The following MTMR2 variants were observed in gnomAD, a reference collection of about 807,000 sequenced individuals.
MTMR2 encodes the protein myotubularin related protein 2.
MTMR2 carries 55 observed loss-of-function variants against 86.9 expected under a neutral mutation model. The observed-to-expected ratio is 0.63, with a 90% CI of 0.51 to 0.79. The LOEUF (loss-of-function observed/expected upper bound fraction) is 0.79, where lower values mean the gene tolerates loss of function less well. MTMR2 is among the 30% of genes least tolerant of loss of function. The probability of loss-of-function intolerance (pLI) is 0.00; values close to 1 mark genes in which losing one functional copy is unlikely to be tolerated. For synonymous variants in MTMR2, 241 were observed against 266.8 expected, an observed-to-expected ratio of 0.90 and a Z score of 0.94; for missense variants, 659 against 772.3, an observed-to-expected ratio of 0.85 and a Z score of 1.74.
At position 95,835,134 on chromosome 11, in the gene MTMR2, G is replaced by T; in HGVS notation, c.*156C>A. On this transcript the variant is annotated 3_prime_UTR_variant, in exon 15 of 15. Transcript: ENST00000346299. ...TTACTTCACTTAAGCCACCTGCACT[G>T]CTACAGTTCTAAACTCATCCTAGAG... 1 of 766,800 alleles carries T rather than the reference G, an allele frequency of 1.3e-6. No homozygotes were observed. Among genetic ancestry groups the T allele is most frequent in the Non-Finnish European group, 2.2e-6 (1 of 458,312 alleles). The allele number at this position is 766,800 out of a possible 1,614,324, so 47.5% of individuals were successfully genotyped here. A position where few individuals can be genotyped will look rare whatever the true frequency, so the allele number is the denominator to read the frequency against.
intron 2 of MTMR2, among the ~76,000 whole-genome samples, chr11:95,875,115 T>C (rs1423196605): frequency 6.6e-6 from 1 of 152,188 alleles, no homozygotes; most frequent in Non-Finnish European, 1.5e-5. Flanking sequence ...TGGCATTCTC[T>C]GTATTTCCTG....
intron 1 of MTMR2, among the ~76,000 whole-genome samples, chr11:95,902,428 C>G (rs1041215048): frequency 6.6e-6 from 1 of 152,288 alleles, no homozygotes; most frequent in East Asian, 1.9e-4. Context: ...CAACCTTACC[C>G]TTTCCTCCCT....
chr11:95,877,250 GT>G (rs1417506180), intron 2 of MTMR2, among the ~76,000 whole-genome samples: 2 of 149,266 alleles, frequency 1.3e-5, no homozygotes, highest in African/African-American at 5.0e-5. Flanking sequence ...TTCTAACAAG[GT>G]AGAGCCACAG....
chr11:95,868,270 T>G, intron 2 of MTMR2, among the ~76,000 whole-genome samples: 3 of 53,322 alleles, frequency 5.6e-5, no homozygotes, highest in South Asian at 8.9e-4. Context: ...TGAGACCCTG[T>G]GCTAAAAAAA....
rs115066332 is a variant in MTMR2, at chr11:95,894,523, G to A, written c.81-6262C>T. Among the ~76,000 whole-genome samples the A allele has an allele frequency of 2.5e-3, 382 of 152,252 alleles. 3 individuals carry two copies. Among genetic ancestry groups the A allele is most frequent in the African/African-American group, 8.9e-3 (369 of 41,562 alleles). On this transcript the variant is annotated intron_variant, in intron 1 of 14. Transcript: ENST00000346299. Reference sequence around the variant, plus strand: ...TATAACGGCAAAAGTTCGAAGGCAAGAACTATAATTAGTGGCCTAATGTTT... The same window carrying A: ...TATAACGGCAAAAGTTCGAAGGCAAAAACTATAATTAGTGGCCTAATGTTT...
chr11:95,864,215 C>G (rs947100555), intron 3 of MTMR2, among the ~76,000 whole-genome samples: 6 of 151,930 alleles, frequency 3.9e-5, no homozygotes, highest in African/African-American at 1.5e-4. Context: ...GAGTCATCAG[C>G]CAATATATGG....
intron 7 of MTMR2, among the ~76,000 whole-genome samples, chr11:95,855,585 C>A (rs552680736): frequency 3.9e-4 from 59 of 152,234 alleles, no homozygotes; most frequent in Admixed American, 1.2e-3. Context: ...AGTCTAATTT[C>A]TTTTAAGACT....
At chr11:95,886,733 T>C (rs1865524753) in intron 2 of MTMR2, among the ~76,000 whole-genome samples, 1 of 152,186 alleles carries the variant, frequency 6.6e-6, no homozygotes, top group Non-Finnish European at 1.5e-5. Context: ...TATTTAATGA[T>C]ACTTTTAACT....
At chr11:95,899,368 C>T (rs541227180) in intron 1 of MTMR2, among the ~76,000 whole-genome samples, 1 of 152,074 alleles carries the variant, frequency 6.6e-6, no homozygotes, top group Non-Finnish European at 1.5e-5. Flanking sequence ...GTTTGAGAAG[C>T]TGCTGCTTTC....
In MTMR2 at chr11:95,849,740, G is replaced by A; in HGVS notation, c.927C>T (p.Ser309=). The part of the protein sequence containing the change: ...DEKYLQAIMD[S]NAQSHKIFIF... Reference sequence around the variant, plus strand: ...TAAAGATTTTGTGAGACTGGGCATTGGAATCCATGATAGCTTGAAGGTATT... The same window carrying A: ...TAAAGATTTTGTGAGACTGGGCATTAGAATCCATGATAGCTTGAAGGTATT... The change falls in exon 9 of 15, where the codon TCC becomes TCT. Residue 309 remains serine (S), a synonymous_variant. Transcript: ENST00000346299. 1 of 1,614,060 alleles carries A rather than the reference G, an allele frequency of 6.2e-7. No individual in the cohort carries two copies.
At position 95,835,331 on chromosome 11, in the gene MTMR2, A is replaced by G; in HGVS notation, c.1891T>C (p.Ser631Pro). ...ACAGGAGTGACACACTGTGCAGGAG[A>G]GCTGGCTCTCTCTGAGGATGAGGTT... is the stretch of plus-strand genomic sequence containing the variant. Reference protein sequence around the residue: ...RSTSSSERASSPAQCVTPVQT... With the variant: ...RSTSSSERASPPAQCVTPVQT... The change falls in exon 15 of 15, where the codon TCT (serine) becomes CCT (proline). Residue 631 changes from serine (S) to proline (P), a missense_variant. By Grantham distance (74) the Ser-to-Pro change is moderately conservative (BLOSUM62 -1). Transcript: ENST00000346299. The G allele has an allele frequency of 6.2e-7, 1 of 1,613,060 alleles. No individual in the cohort carries two copies. The highest frequency in any genetic ancestry group is 8.5e-7 in the Non-Finnish European group (1 of 1,179,334).
At chr11:95,905,341 A>G (rs552584237) in intron 1 of MTMR2, among the ~76,000 whole-genome samples, 1,569 of 147,198 alleles carry the variant, frequency 0.011, 11 homozygotes, top group Non-Finnish European at 0.013. Flanking sequence ...GCACACACAC[A>G]CACACACACA....
chr11:95,921,583 G>T (rs1218567880), intron 1 of MTMR2, among the ~76,000 whole-genome samples: 1 of 152,184 alleles, frequency 6.6e-6, no homozygotes, highest in Admixed American at 6.5e-5. Flanking sequence ...TCTAACTAGT[G>T]TCTATAATGT....
intron 2 of MTMR2, among the ~76,000 whole-genome samples, chr11:95,881,267 A>G (rs757022572): frequency 1.9e-4 from 29 of 151,862 alleles, no homozygotes; most frequent in Admixed American, 6.6e-4. Flanking sequence ...ATTTATTCCT[A>G]TTCTGATTTA....
chr11:95,841,769 T>C, intron 11 of MTMR2, 60 bp from the exon 12 acceptor site: 1 of 1,354,676 alleles, frequency 7.4e-7, no homozygotes, highest in Admixed American at 1.7e-5. Flanking sequence ...TTGATGGAAA[T>C]AATTTTTTAA....
At chr11:95,881,985 T>C (rs1313936034) in intron 2 of MTMR2, among the ~76,000 whole-genome samples, 1 of 152,166 alleles carries the variant, frequency 6.6e-6, no homozygotes, top group Non-Finnish European at 1.5e-5. Context: ...GTTGATTTTT[T>C]TCAATTCCTA....
At chr11:95,913,945 C>T (rs903405889) in intron 1 of MTMR2, among the ~76,000 whole-genome samples, 6 of 152,230 alleles carry the variant, frequency 3.9e-5, no homozygotes, top group Admixed American at 3.9e-4. Context: ...GAATTCTTGT[C>T]ATCCTCTTCT....
chr11:95,899,509 T>G (rs754713394), intron 1 of MTMR2, among the ~76,000 whole-genome samples: 7 of 152,064 alleles, frequency 4.6e-5, no homozygotes, highest in Non-Finnish European at 1.0e-4. Context: ...GTGATATGAG[T>G]GTTCTATGAA....
At chr11:95,870,733 T>TTC (rs1864836902) in intron 2 of MTMR2, among the ~76,000 whole-genome samples, 1 of 144,722 alleles carries the variant, frequency 6.9e-6, no homozygotes, top group African/African-American at 2.5e-5. Flanking sequence ...CTTTTTTTCT[T>TTC]TTTCTTTTTT....
Sources: allele counts gnomAD v4.1 joint callset (sites outside exome capture counted in the v4.1 genomes callset), GRCh38; gene constraint gnomAD v4.1.1; transcripts MANE v1.5; gene names NCBI Gene and HGNC (gene_info 2026-07-23, HGNC 2026-07-21).